ZP2: variants seen among roughly 807,000 people sequenced by gnomAD.
The protein encoded by ZP2 is zona pellucida sperm-binding protein 2.
A neutral mutation model predicts 84.0 loss-of-function variants in ZP2; 51 were observed. The observed-to-expected ratio is 0.61, with a 90% confidence interval of 0.49 to 0.77. ZP2 has a LOEUF of 0.77. ZP2 is among the 30% of genes least tolerant of loss of function. The pLI, the probability that ZP2 is intolerant of heterozygous loss-of-function variation, is 0.00. For missense variants in ZP2, 909 were observed against 911.9 expected (o/e 1.00, Z 0.04); for synonymous variants, 375 against 330.9 (o/e 1.13, Z -1.45).
intron 2 of ZP2, among the ~76,000 whole-genome samples, chr16:21,210,425 G>A (rs901792451): frequency 5.3e-5 from 8 of 152,076 alleles, no homozygotes; most frequent in Non-Finnish European, 1.0e-4. Flanking sequence ...AGAAGCCCAG[G>A]TTAGGGTTGA....
chr16:21,204,125 T>A lies in ZP2; in HGVS notation c.877A>T (p.Asn293Tyr), dbSNP rs574632482. ...TCATGCAGCTGGCTCACATCAATGT[T>A]CTGGTTTTCAAAGCTCACAGACTTA... ...KLKSVSFENQ[N>Y]IDVSQLHDNG... Residue 293 changes from asparagine to tyrosine, a missense_variant, in exon 9 of 19, where the codon AAC (asparagine) becomes TAC (tyrosine). Asn to Tyr is a moderately radical substitution (Grantham distance 143, BLOSUM62 -2). Coordinates refer to ENST00000574091, the MANE Select transcript of ZP2 (RefSeq NM_001376232.1). 3 of 1,614,096 alleles carry A rather than the reference T, an allele frequency of 1.9e-6. No homozygotes were observed. The highest frequency in any genetic ancestry group is 2.5e-6 in the Non-Finnish European group (3 of 1,180,038).
In ZP2 at chr16:21,197,650, T is replaced by G. The variant is rs1431033711; in HGVS notation, c.2096-28A>C. 1.9e-6 allele frequency: 3 copies of G among 1,613,666 alleles called. No individual in the cohort carries two copies. The East Asian group carries it at 6.7e-5, about 36-fold the overall frequency. ...ACAAAGGAAGCAGACATTTGAGTCT[T>G]AAGTATTTTTAAATAAGGGTAAGTG... On this transcript the variant is annotated intron_variant, in intron 18 of 18. Coordinates refer to ENST00000574091, the MANE Select transcript of ZP2 (RefSeq NM_001376232.1).
upstream of ZP2, chr16:21,214,342 A>C (rs1027584125): frequency 7.3e-6 from 7 of 954,862 alleles, no homozygotes; most frequent in Non-Finnish European, 8.7e-6. Context: ...TCTGTTCAGC[A>C]ACTGACTTTG....
chr16:21,200,767 T>C (rs941903390), intron 14 of ZP2, among the ~76,000 whole-genome samples: 1 of 152,196 alleles, frequency 6.6e-6, no homozygotes, highest in Non-Finnish European at 1.5e-5. Context: ...GTGGAATACA[T>C]AGCACTGTGC....
intron 7 of ZP2, 32 bp from the exon 8 acceptor site, chr16:21,204,436 A>T (rs758034300): frequency 6.4e-7 from 1 of 1,574,028 alleles, no homozygotes; most frequent in Non-Finnish European, 8.7e-7. Flanking sequence ...ATCTTCAAAA[A>T]CATTGGTTAC....
chr16:21,204,183 C>A lies in ZP2; in HGVS notation c.819G>T (p.Met273Ile). Reference protein sequence around the residue: ...PDPVTCNATHMTLTIPEFPGK... With the variant: ...PDPVTCNATHITLTIPEFPGK... The stretch of plus-strand genomic sequence containing the variant: ...CAGGAAACTCTGGTATGGTGAGAGT[C>A]ATGTGTGTGGCATTGCAGGTCACAG... The change falls in exon 9 of 19, where the codon ATG becomes ATT. Residue 273 changes from methionine (M) to isoleucine (I), a missense_variant. Coordinates refer to ENST00000574091, the MANE Select transcript of ZP2 (RefSeq NM_001376232.1). 3 of 1,614,120 alleles carry A rather than the reference C, an allele frequency of 1.9e-6. No homozygotes were observed. Among genetic ancestry groups the A allele is most frequent in the Middle Eastern group, 3.3e-4 (2 of 6,060 alleles).
At position 21,202,274 on chromosome 16, in the gene ZP2, T is replaced by C; in HGVS notation, c.1117A>G (p.Thr373Ala). ...PVSIVTGELC[T>A]QDGFMDVEVY... is the part of the protein sequence containing the mutation. ...TCGACGTCCATAAACCCATCCTGGG[T>C]GCACAGCTCCCCTGTAACTAGACAG... Residue 373 changes from threonine (T) to alanine (A), a missense_variant, in exon 11 of 19, where the codon ACC (threonine) becomes GCC (alanine). By Grantham distance (58) the Thr-to-Ala change is moderately conservative. Transcript: ENST00000574091. The C allele has an allele frequency of 1.3e-6, 2 of 1,526,726 alleles. No individual in the cohort carries two copies. Among genetic ancestry groups the C allele is most frequent in the Non-Finnish European group, 1.8e-6 (2 of 1,141,502 alleles). 94.6% of individuals were successfully genotyped at this position (1,526,726 alleles called of 1,614,324 possible).
upstream of ZP2, chr16:21,211,579 AG>A: frequency 3.1e-6 from 5 of 1,613,864 alleles, no homozygotes; most frequent in Non-Finnish European, 4.2e-6. Flanking sequence ...AACCAGGTAG[AG>A]GGTAGGCTGC....
At chr16:21,198,278 C>T (rs1464181050) in intron 17 of ZP2, among the ~76,000 whole-genome samples, 1 of 151,932 alleles carries the variant, frequency 6.6e-6, no homozygotes, top group Non-Finnish European at 1.5e-5. Context: ...GCCTGTAATC[C>T]CTGATACTCG....
intron 5 of ZP2, 29 bp downstream of exon 5, chr16:21,206,809 A>G (rs769990366): frequency 6.2e-7 from 1 of 1,613,802 alleles, no homozygotes. Context: ...GTAGCCATAT[A>G]CCCCGAGCAG....
intron 10 of ZP2, 44 bp downstream of exon 10, chr16:21,203,081 A>G: frequency 6.2e-7 from 1 of 1,600,828 alleles, no homozygotes; most frequent in Non-Finnish European, 8.5e-7. Context: ...ACAAGAGCCA[A>G]GGGAGAAAAA....
In ZP2 at chr16:21,204,307, C is replaced by G; in HGVS notation, c.790+1G>C. On this transcript the variant is annotated splice_donor_variant, in intron 8 of 18. Coordinates refer to ENST00000574091, the MANE Select transcript of ZP2 (RefSeq NM_001376232.1). LOFTEE classifies it high-confidence loss of function. ...GAGGTTGCAGCTATCTGGGACCTTA[C>G]CTGGTGCACAAATAGCTTGTGAAGA... 6.2e-7 allele frequency: 1 copy of G among 1,614,044 alleles called. No homozygotes were observed. The highest frequency in any genetic ancestry group is 8.5e-7 in the Non-Finnish European group (1 of 1,179,954).
chr16:21,211,188 G>C, intron 2 of ZP2, 119 bp downstream of exon 2: 1 of 837,630 alleles, frequency 1.2e-6, no homozygotes, highest in Non-Finnish European at 2.0e-6. Context: ...CCTGACCAAG[G>C]TAATAAAGGG....
At chr16:21,197,887 G>A (rs1295503704) in intron 17 of ZP2, 38 bp from the exon 18 acceptor site, 1 of 1,598,060 alleles carries the variant, frequency 6.3e-7, no homozygotes, top group African/African-American at 1.3e-5. Flanking sequence ...ACATCTTCAT[G>A]CTAGTCGATG....
At chr16:21,198,940 T>A in intron 16 of ZP2, 78 bp from the exon 17 acceptor site, 1 of 1,262,514 alleles carries the variant, frequency 7.9e-7, no homozygotes, top group South Asian at 1.2e-5. Flanking sequence ...TGCTTAGAAG[T>A]AGAAGCTCTC....
Position 21,203,116 on chromosome 16 carries a change from G to A in ZP2, c.1099+9C>T. 2 of 1,609,416 alleles carry A rather than the reference G, an allele frequency of 1.2e-6. No homozygotes were observed. The highest frequency in any genetic ancestry group is 1.1e-5 in the South Asian group (1 of 90,182). On this transcript the variant is annotated intron_variant, in intron 10 of 18. Coordinates refer to ENST00000574091, the MANE Select transcript of ZP2 (RefSeq NM_001376232.1). ...AAGGTAGAACATGATTTTAATAAAA[G>A]GTCTTTACCTATAGAAACGGGTGAC...
chr16:21,211,251 T>C, intron 2 of ZP2, 56 bp downstream of exon 2: 1 of 1,534,086 alleles, frequency 6.5e-7, no homozygotes. Flanking sequence ...AGCTAGGCCT[T>C]CCAGCTGCAA....
Position 21,209,621 on chromosome 16 carries a change from A to T in ZP2, c.330+10T>A. The T allele has an allele frequency of 6.2e-7, 1 of 1,613,664 alleles. No homozygotes were observed. Among genetic ancestry groups the T allele is most frequent in the Non-Finnish European group, 8.5e-7 (1 of 1,179,560 alleles). On this transcript the variant is annotated intron_variant, in intron 4 of 18. Coordinates refer to ENST00000574091, the MANE Select transcript of ZP2 (RefSeq NM_001376232.1). ...TACTTCCCCAAGAACTGCTCAAAGC[A>T]ATGACTTACCACTCTCCTGGTACAG...
chr16:21,199,478 A>G (rs1462130976), intron 16 of ZP2, 92 bp downstream of exon 16: 1 of 1,147,682 alleles, frequency 8.7e-7, no homozygotes, highest in South Asian at 1.7e-5. Flanking sequence ...TAAATAAAGT[A>G]TGAGTTATAC....
Sources: allele counts gnomAD v4.1 joint callset (sites outside exome capture counted in the v4.1 genomes callset), GRCh38; gene constraint gnomAD v4.1.1; transcripts MANE v1.5; gene names NCBI Gene and HGNC (gene_info 2026-07-23, HGNC 2026-07-21).